The following WDHD1 variants were observed in gnomAD, a reference collection of about 807,000 sequenced individuals.
WDHD1 encodes WD repeat and HMG-box DNA binding protein 1, also known as WD repeat and HMG-box DNA-binding protein 1.
WDHD1 carries 111 observed loss-of-function variants against 135.4 expected under a neutral mutation model. That is an observed-to-expected ratio of 0.82 (90% CI 0.70 to 0.96). The LOEUF is 0.96. Among genes scored for constraint, WDHD1 ranks in the 40% least tolerant of loss-of-function variants. The pLI is 0.00. For missense variants in WDHD1, 1,351 were observed against 1,336.3 expected (o/e 1.01, Z -0.17); for synonymous variants, 434 against 439.0 (o/e 0.99, Z 0.14).
rs79968281 is a variant in WDHD1 at position 55,002,618 on chromosome 14, T to C, written c.601-433A>G. On this transcript the variant is annotated intron_variant, in intron 7 of 25. Transcript: ENST00000360586. ...TACTTTAAATATGATTACTTTTTTT[T>C]CCCCCAAGAGACAGTCTTGCTCTGT... is the stretch of plus-strand genomic sequence containing the variant. Among the ~76,000 whole-genome samples the C allele has an allele frequency of 1.3e-4, 20 of 151,970 alleles. No individual in the cohort carries two copies. In the East Asian group the frequency reaches 2.5e-3, roughly 19 times the overall value.
At position 55,008,320 on chromosome 14, in the gene WDHD1, T is replaced by G. The variant is rs116117710; in HGVS notation, c.500A>C (p.Asp167Ala). 8.1e-4 allele frequency: 1,308 copies of G among 1,613,342 alleles called. 8 individuals are homozygous for G. The African/African-American group carries it at 0.015, about 19-fold the overall frequency. ...AATTTAAATTGCTGAGTTTACCTGA[T>G]CTGAAATTTGCCACACTCTGACAGA... ...DGSVRVWQISDQTCAISWPLL... is the reference protein window; with the variant it reads ...DGSVRVWQISAQTCAISWPLL... The change falls in exon 6 of 26, where the codon GAT becomes GCT. Residue 167 changes from aspartate (D) to alanine (A), a missense_variant. Physicochemically the swap from Asp to Ala is moderately radical, Grantham distance 126 (BLOSUM62 -2). Around this residue, in one of 2 missense-constraint regions of WDHD1, gnomAD observed 1,330 missense variants for 1,296.1 expected, o/e 1.03. Transcript: ENST00000360586.
intron 11 of WDHD1, among the ~76,000 whole-genome samples, chr14:54,994,817 C>T (rs2041850678): frequency 6.6e-6 from 1 of 151,854 alleles, no homozygotes; most frequent in Non-Finnish European, 1.5e-5. Context: ...GAACTAACCA[C>T]ATTTCAAGTG....
intron 16 of WDHD1, among the ~76,000 whole-genome samples, chr14:54,978,340 T>C (rs1263628999): frequency 6.6e-6 from 1 of 152,186 alleles, no homozygotes; most frequent in Admixed American, 6.5e-5. Context: ...CCTAGCACTT[T>C]GGAAGGCTGA....
rs899790936 is a variant in WDHD1, at chr14:55,027,050, C to T, written c.-39G>A. On this transcript the variant is annotated 5_prime_UTR_variant, in exon 1 of 26. The change creates a new upstream start codon in the 5' untranslated region. Coordinates refer to ENST00000360586, the MANE Select transcript of WDHD1 (RefSeq NM_007086.4). ...CACCCGGGTGACCGAGCCTCCGCCA[C>T]TGAGGATCCACAAGAGCTGCTTCCC... 2.1e-6 allele frequency: 1 copy of T among 476,152 alleles called. No individual in the cohort carries two copies. The allele number at this position is 476,152 out of a possible 1,614,324, so 29.5% of individuals were successfully genotyped here. A position where few individuals can be genotyped will look rare whatever the true frequency, so the allele number is the denominator to read the frequency against.
chr14:54,962,937 TA>T lies in WDHD1; in HGVS notation c.2531+14del. 1 of 1,613,354 alleles carries T rather than the reference TA, an allele frequency of 6.2e-7. No individual in the cohort carries two copies. On this transcript the variant is annotated intron_variant, in intron 19 of 25. Transcript: ENST00000360586. ...GACAGTAAAGGAAAATTCAAACAAC[TA>T]AATTATTTCTTACCCAGCATTCAGC...
chr14:54,947,311 C>T (rs550994985), intron 24 of WDHD1, among the ~76,000 whole-genome samples: 1 of 152,002 alleles, frequency 6.6e-6, no homozygotes, highest in Non-Finnish European at 1.5e-5. Flanking sequence ...GCATTGCAGT[C>T]TGGGCAACAA....
At chr14:55,010,283 C>A in intron 4 of WDHD1, 26 bp downstream of exon 4, 1 of 1,537,846 alleles carries the variant, frequency 6.5e-7, no homozygotes, top group South Asian at 1.3e-5. Flanking sequence ...AACATTATTT[C>A]CTTTTCTGAT....
At chr14:55,006,812 C>T (rs888698486) in intron 7 of WDHD1, among the ~76,000 whole-genome samples, 2 of 152,188 alleles carry the variant, frequency 1.3e-5, no homozygotes, top group East Asian at 3.9e-4. Context: ...TTTCTTAAAG[C>T]ATTTCAATAC....
chr14:55,008,423 G>A, intron 5 of WDHD1, 57 bp from the exon 6 acceptor site: 1 of 1,554,810 alleles, frequency 6.4e-7, no homozygotes, highest in South Asian at 1.2e-5. Context: ...TACATGGAAA[G>A]TGGTTCAATT....
chr14:55,013,156 T>C (rs1031209453), intron 3 of WDHD1, among the ~76,000 whole-genome samples: 2 of 132,170 alleles, frequency 1.5e-5, no homozygotes, highest in Non-Finnish European at 3.1e-5. Flanking sequence ...AGCCCAGGAG[T>C]TTGAGACCGG....
chr14:54,986,786 G>C (rs1396324224), intron 14 of WDHD1, among the ~76,000 whole-genome samples: 2 of 152,174 alleles, frequency 1.3e-5, no homozygotes, highest in Non-Finnish European at 2.9e-5. Flanking sequence ...GAGGAAAAAG[G>C]AGGCAGCAGC....
intron 24 of WDHD1, among the ~76,000 whole-genome samples, chr14:54,954,963 AGATGATCC>A (rs1469473488): frequency 6.6e-6 from 1 of 152,202 alleles, no homozygotes; most frequent in Non-Finnish European, 1.5e-5. Context: ...TCCCATCCTC[AGATGATCC>A]GCCTGCTTCG....
rs942628912 is a variant in WDHD1, at chr14:54,972,048, G to A, written c.2064-4654C>T. On this transcript the variant is annotated intron_variant, in intron 16 of 25. Coordinates refer to ENST00000360586, the MANE Select transcript of WDHD1 (RefSeq NM_007086.4). ...AGCACTTTGGGAGGCCGAGGCGGGT[G>A]GATCACGAGGTCAGGAAATCGAGAC... is the stretch of plus-strand genomic sequence containing the variant. Among the ~76,000 whole-genome samples, 3 of 151,826 alleles carry A rather than the reference G, an allele frequency of 2.0e-5. 1 individual carries two copies. The highest frequency in any genetic ancestry group is 2.1e-4 in the South Asian group (1 of 4,816).
At chr14:54,964,523 C>T (rs1174365141) in intron 18 of WDHD1, among the ~76,000 whole-genome samples, 4 of 151,924 alleles carry the variant, frequency 2.6e-5, no homozygotes, top group Non-Finnish European at 2.9e-5. Context: ...ACTGTAGTCC[C>T]AGCTACTCGG....
chr14:54,979,364 C>T (rs2041580738), intron 16 of WDHD1, among the ~76,000 whole-genome samples: 1 of 152,152 alleles, frequency 6.6e-6, no homozygotes, highest in Non-Finnish European at 1.5e-5. Context: ...CTATGTTGCC[C>T]AGGCTGGTCT....
At chr14:54,972,376 G>A (rs1595080999) in intron 16 of WDHD1, among the ~76,000 whole-genome samples, 1 of 150,668 alleles carries the variant, frequency 6.6e-6, no homozygotes, top group African/African-American at 2.4e-5. Flanking sequence ...CCAGGAGCTC[G>A]AGACCAGCCT....
At chr14:55,004,678 C>T (rs190511707) in intron 7 of WDHD1, 3 of 326,876 alleles carry the variant, frequency 9.2e-6, no homozygotes, top group South Asian at 5.3e-5. Context: ...GTCTTGAACT[C>T]GTGGCCTCAA....
intron 25 of WDHD1, 87 bp from the exon 26 acceptor site, chr14:54,941,777 A>AT: frequency 1.7e-6 from 2 of 1,167,270 alleles, no homozygotes; most frequent in Non-Finnish European, 2.4e-6. Flanking sequence ...TCCAGGTAAT[A>AT]TTTTTATATA....
intron 16 of WDHD1, among the ~76,000 whole-genome samples, chr14:54,969,061 CG>C: frequency 6.6e-6 from 1 of 151,452 alleles, no homozygotes; most frequent in Admixed American, 6.6e-5. Context: ...ATTTTTGAGA[CG>C]GAGTCTCGCT....
Sources: gnomAD v4.1 joint callset for allele counts (sites outside exome capture counted in the v4.1 genomes callset) on GRCh38, gnomAD v4.1.1 for gene constraint, gnomAD v4.1.1 regional missense constraint, MANE v1.5 for transcripts, NCBI Gene and HGNC (gene_info 2026-07-23, HGNC 2026-07-21) for gene names.